RAB43: variants seen among roughly 807,000 people sequenced by gnomAD.
RAB43 encodes RAB43, member RAS oncogene family, also known as ras-related protein Rab-43.
RAB43 carries 6 observed loss-of-function variants against 18.8 expected under a neutral mutation model. That is an observed-to-expected ratio of 0.32 (90% CI 0.17 to 0.63). RAB43 has a LOEUF of 0.63. RAB43 is among the 30% of genes least tolerant of loss of function. RAB43 has a pLI of 0.79. For missense variants in RAB43, 195 were observed against 289.1 expected, an observed-to-expected ratio of 0.67 and a Z score of 2.36; for synonymous variants, 103 against 124.1, an observed-to-expected ratio of 0.83 and a Z score of 1.13.
intron 1 of RAB43, among the ~76,000 whole-genome samples, chr3:129,101,413 C>T (rs1246348837): frequency 6.6e-6 from 1 of 152,182 alleles, no homozygotes; most frequent in Non-Finnish European, 1.5e-5. Flanking sequence ...TAGCAGGGAA[C>T]GGAGCAAAAC....
intron 1 of RAB43, among the ~76,000 whole-genome samples, chr3:129,110,895 ATTTT>A (rs200345300): frequency 2.7e-5 from 4 of 145,772 alleles, no homozygotes; most frequent in Non-Finnish European, 6.1e-5. Flanking sequence ...CTCCATAAAG[ATTTT>A]TTTTTTTTTT....
At chr3:129,099,751 G>A (rs1331771178) in intron 1 of RAB43, among the ~76,000 whole-genome samples, 1 of 151,952 alleles carries the variant, frequency 6.6e-6, no homozygotes, top group South Asian at 2.1e-4. Context: ...AAAATTCACT[G>A]GATGAACTTA....
At position 129,095,254 on chromosome 3, in the gene RAB43, G is replaced by C; in HGVS notation, c.205-85C>G. On this transcript the variant is annotated intron_variant, in intron 1 of 2. Coordinates refer to ENST00000315150, the MANE Select transcript of RAB43 (RefSeq NM_198490.3). This position sits in a 1 kb window ranked among gnomAD's most constrained non-coding sequence, Gnocchi z 4.2. ...GAGTGACCCCACAGACCCACACCCA[G>C]AGCTGTGGTTCCACTGGGCTAGGAG... 1.3e-6 allele frequency: 2 copies of C among 1,510,304 alleles called. No individual in the cohort carries two copies. The highest frequency in any genetic ancestry group is 2.2e-5 in the Admixed American group (1 of 45,334). The allele number at this position is 1,510,304 out of a possible 1,614,324, so 93.6% of individuals were successfully genotyped here. A position where few individuals can be genotyped will look rare whatever the true frequency, so the allele number is the denominator to read the frequency against.
Position 129,095,217 on chromosome 3 carries a change from TG to T in RAB43, c.205-49del, listed in dbSNP as rs1245852058. On this transcript the variant is annotated intron_variant, in intron 1 of 2. Coordinates refer to ENST00000315150, the MANE Select transcript of RAB43 (RefSeq NM_198490.3). The surrounding 1 kb of genome is among the most constrained non-coding windows in gnomAD (Gnocchi z 4.2). ...TGAACCCAGTGGCACAGGCTGAACA[TG>T]GGGACAGGCAGAGTGACCCCACAGA... 1.9e-6 allele frequency: 3 copies of T among 1,587,148 alleles called. No individual in the cohort carries two copies. Among genetic ancestry groups the T allele is most frequent in the African/African-American group, 2.7e-5 (2 of 74,526 alleles).
At chr3:129,118,400 TAAC>T (rs1935688013) in intron 1 of RAB43, among the ~76,000 whole-genome samples, 1 of 152,340 alleles carries the variant, frequency 6.6e-6, no homozygotes, top group South Asian at 2.1e-4. Flanking sequence ...TTTAGTCAAA[TAAC>T]AAGAATTTCA....
In RAB43 at chr3:129,107,266, C is replaced by T. The variant is rs973376161; in HGVS notation, c.205-12097G>A. Among the ~76,000 whole-genome samples the T allele has an allele frequency of 2.6e-5, 4 of 152,200 alleles. No individual in the cohort carries two copies. Among genetic ancestry groups the T allele is most frequent in the Non-Finnish European group, 5.9e-5 (4 of 68,042 alleles). ...CTCCGCAAGCACATAGAAACTGCTT[C>T]CAAGAAATCTCACTGCCACTGGCAC... On this transcript the variant is annotated intron_variant, in intron 1 of 2. Coordinates refer to ENST00000315150, the MANE Select transcript of RAB43 (RefSeq NM_198490.3). This position sits in a 1 kb window ranked among gnomAD's most constrained non-coding sequence, Gnocchi z 4.2.
rs148522646 is a variant in RAB43 at position 129,104,746 on chromosome 3, A to G, written c.205-9577T>C. 2.5e-3 allele frequency among the ~76,000 whole-genome samples: 375 copies of G among 152,308 alleles called. 4 individuals are homozygous for G. Among genetic ancestry groups the G allele is most frequent in the African/African-American group, 8.7e-3 (363 of 41,566 alleles). ...TTCTTTCCTCTTCTAATCTCTAAAC[A>G]TAACTCCCAGCTTATACTACGCTCT... On this transcript the variant is annotated intron_variant, in intron 1 of 2. Transcript: ENST00000315150.
rs200896936 is a variant in RAB43, at chr3:129,094,505, CTTTTTTTTT to C, written c.388+472_388+480del. Among the ~76,000 whole-genome samples the C allele has an allele frequency of 1.4e-3, 95 of 69,150 alleles. 1 individual carries two copies. The highest frequency in any genetic ancestry group is 2.2e-3 in the East Asian group (5 of 2,240). 45.4% of individuals were successfully genotyped at this position (69,150 alleles called of 152,430 possible). On this transcript the variant is annotated intron_variant, in intron 2 of 2. Coordinates refer to ENST00000315150, the MANE Select transcript of RAB43 (RefSeq NM_198490.3). ...TAATTCCAATTTTGAATATAACTTT[CTTTTTTTTT>C]TTTTTTTTTTTTTTTTTTTGAGACG...
intron 1 of RAB43, among the ~76,000 whole-genome samples, chr3:129,120,437 T>C (rs565230873): frequency 6.6e-6 from 1 of 152,328 alleles, no homozygotes; most frequent in South Asian, 2.1e-4. Context: ...CAAAGATTTC[T>C]GTACAGTGCG....
intron 1 of RAB43, among the ~76,000 whole-genome samples, chr3:129,099,422 T>C (rs924756525): frequency 6.8e-6 from 1 of 146,800 alleles, no homozygotes; most frequent in Non-Finnish European, 1.5e-5. Flanking sequence ...AGTTTCGCTC[T>C]GTTGTCCAGG....
rs2342285 is a variant in RAB43 at position 129,096,551 on chromosome 3, C to T, written c.205-1382G>A. Among the ~76,000 whole-genome samples, 1,099 of 152,204 alleles carry T rather than the reference C, an allele frequency of 7.2e-3. 7 individuals carry two copies. The highest frequency in any genetic ancestry group is 0.02 in the African/African-American group (834 of 41,522). On this transcript the variant is annotated intron_variant, in intron 1 of 2. Coordinates refer to ENST00000315150, the MANE Select transcript of RAB43 (RefSeq NM_198490.3). Reference sequence around the variant, plus strand: ...TCTCCACACATAACACGAAAGACACCGGCCAAACAACAGCAAAAACACAAC... The same window carrying T: ...TCTCCACACATAACACGAAAGACACTGGCCAAACAACAGCAAAAACACAAC...
chr3:129,118,835 G>T (rs992065848), intron 1 of RAB43, among the ~76,000 whole-genome samples: 1 of 152,114 alleles, frequency 6.6e-6, no homozygotes, highest in Admixed American at 6.6e-5. Flanking sequence ...CCCCTGGAAA[G>T]GTTTTACACT....
intron 1 of RAB43, among the ~76,000 whole-genome samples, chr3:129,100,321 T>C (rs777450989): frequency 6.6e-6 from 1 of 152,158 alleles, no homozygotes; most frequent in Non-Finnish European, 1.5e-5. Flanking sequence ...CGTTTGCAGA[T>C]AAATGGAAGT....
At position 129,107,839 on chromosome 3, in the gene RAB43, G is replaced by A. The variant is rs541049986; in HGVS notation, c.205-12670C>T. ...GTTCCCTGCTACTTTGGTCATCAAC[G>A]ATGGCCCAGACTGGCCTCACGAGTC... On this transcript the variant is annotated intron_variant, in intron 1 of 2. Coordinates refer to ENST00000315150, the MANE Select transcript of RAB43 (RefSeq NM_198490.3). This position sits in a 1 kb window ranked among gnomAD's most constrained non-coding sequence, Gnocchi z 4.2. 3.3e-5 allele frequency among the ~76,000 whole-genome samples: 5 copies of A among 152,204 alleles called. No individual in the cohort carries two copies. The highest frequency in any genetic ancestry group is 1.2e-4 in the African/African-American group (5 of 41,534).
chr3:129,114,730 CAT>C (rs752874506), intron 1 of RAB43, among the ~76,000 whole-genome samples: 2 of 152,188 alleles, frequency 1.3e-5, no homozygotes, highest in African/African-American at 2.4e-5. Context: ...GGAAAGCAGA[CAT>C]GTGGATATCC....
At chr3:129,108,119 T>A (rs1411435199) in intron 1 of RAB43, among the ~76,000 whole-genome samples, 4 of 152,182 alleles carry the variant, frequency 2.6e-5, no homozygotes, top group Non-Finnish European at 4.4e-5. Context: ...AGCCATGGCG[T>A]TCAAAGCCCT....
At chr3:129,100,867 C>T (rs769946537) in intron 1 of RAB43, among the ~76,000 whole-genome samples, 3 of 152,170 alleles carry the variant, frequency 2.0e-5, no homozygotes, top group Non-Finnish European at 4.4e-5. Flanking sequence ...AGTGCAGTAG[C>T]GTGATCTCTG....
chr3:129,105,942 C>T (rs547716958), intron 1 of RAB43, among the ~76,000 whole-genome samples: 1 of 152,298 alleles, frequency 6.6e-6, no homozygotes, highest in East Asian at 1.9e-4. Context: ...CCTCTTGGCA[C>T]CATCAATACT....
chr3:129,105,910 A>G (rs985563368), intron 1 of RAB43, among the ~76,000 whole-genome samples: 2 of 152,106 alleles, frequency 1.3e-5, no homozygotes, highest in East Asian at 3.8e-4. Flanking sequence ...GGGTTCCCTG[A>G]GGAGAAAGAC....
Sources: gnomAD v4.1 joint callset for allele counts (sites outside exome capture counted in the v4.1 genomes callset) on GRCh38, gnomAD v4.1.1 for gene constraint, Gnocchi (gnomAD v3.1) non-coding constraint, MANE v1.5 for transcripts, NCBI Gene and HGNC (gene_info 2026-07-23, HGNC 2026-07-21) for gene names.